Variants in PTPRD observed in about 807,000 individuals in gnomAD.
PTPRD encodes the protein protein tyrosine phosphatase receptor type D.
A neutral mutation model predicts 214.5 loss-of-function variants in PTPRD; 34 were observed. The observed-to-expected ratio is 0.16, with a 90% confidence interval of 0.12 to 0.21. PTPRD has a LOEUF of 0.21. Ranked by LOEUF, PTPRD falls within the 10% of genes least tolerant of loss-of-function variation. The pLI is 1.00. For synonymous variants in PTPRD, 1,128 were observed against 845.7 expected, an observed-to-expected ratio of 1.33 and a Z score of -5.79; for missense variants, 2,545 against 2,398.7, an observed-to-expected ratio of 1.06 and a Z score of -1.27.
At chr9:10,019,662 C>T (rs1327187963) in intron 4 of PTPRD, among the ~76,000 whole-genome samples, 1 of 151,858 alleles carries the variant, frequency 6.6e-6, no homozygotes, top group Non-Finnish European at 1.5e-5. Context: ...TCATTCTCAG[C>T]AAACTATCGC....
chr9:10,198,749 GA>G (rs1410304700), intron 3 of PTPRD, among the ~76,000 whole-genome samples: 2 of 151,998 alleles, frequency 1.3e-5, no homozygotes, highest in Non-Finnish European at 2.9e-5. Context: ...CTCCAAGATA[GA>G]AAAATGAATC....
At chr9:9,049,994 T>A (rs2099681616) in intron 10 of PTPRD, among the ~76,000 whole-genome samples, 1 of 152,190 alleles carries the variant, frequency 6.6e-6, no homozygotes, top group South Asian at 2.1e-4. Context: ...GTCTTTGCAA[T>A]GGGAAGGTAG....
At chr9:9,086,856 A>C (rs536320654) in intron 10 of PTPRD, among the ~76,000 whole-genome samples, 1 of 152,206 alleles carries the variant, frequency 6.6e-6, no homozygotes, top group Non-Finnish European at 1.5e-5. Context: ...AAAGTTGACC[A>C]TAGCAAGCTG....
intron 12 of PTPRD, among the ~76,000 whole-genome samples, chr9:8,674,344 G>C (rs534679924): frequency 1.3e-5 from 2 of 151,304 alleles, no homozygotes; most frequent in African/African-American, 4.9e-5. Flanking sequence ...TGTAGTCCCA[G>C]GCACTCAGGA....
chr9:9,587,251 T>C (rs2092140417), intron 7 of PTPRD, among the ~76,000 whole-genome samples: 1 of 151,956 alleles, frequency 6.6e-6, no homozygotes, highest in South Asian at 2.1e-4. Context: ...ATATAAGAGA[T>C]AATAGTAATG....
intron 2 of PTPRD, among the ~76,000 whole-genome samples, chr9:10,480,629 T>G (rs1416286823): frequency 6.6e-6 from 1 of 151,906 alleles, no homozygotes; most frequent in Non-Finnish European, 1.5e-5. Context: ...AATAAAATAT[T>G]AACATATTTA....
At chr9:8,421,199 C>A (rs752153959) in intron 35 of PTPRD, among the ~76,000 whole-genome samples, 1 of 152,132 alleles carries the variant, frequency 6.6e-6, no homozygotes, top group Non-Finnish European at 1.5e-5. Context: ...ATGCAAAGAG[C>A]AAACTAGACT....
chr9:9,906,786 A>G (rs2077689985), intron 5 of PTPRD, among the ~76,000 whole-genome samples: 1 of 151,938 alleles, frequency 6.6e-6, no homozygotes, highest in African/African-American at 2.4e-5. Flanking sequence ...TTTGTTACAG[A>G]CCACTGTTAG....
chr9:8,518,457 G>T (rs2138605113), intron 20 of PTPRD, 28 bp from the exon 21 acceptor site: 1 of 1,465,882 alleles, frequency 6.8e-7, no homozygotes, highest in Non-Finnish European at 9.3e-7. Context: ...AAAAGACAAT[G>T]ACTACCCATC....
At chr9:8,713,605 G>C in intron 12 of PTPRD, 1 of 1,530,014 alleles carries the variant, frequency 6.5e-7, no homozygotes. Context: ...GGAATACCGG[G>C]ACCTGACCAC....
intron 3 of PTPRD, among the ~76,000 whole-genome samples, chr9:10,056,465 A>G (rs1358945888): frequency 2.0e-5 from 3 of 152,096 alleles, no homozygotes; most frequent in Non-Finnish European, 4.4e-5. Context: ...ACTATTGAAT[A>G]AAGAAGTCAG....
chr9:8,561,080 G>C (rs1269883822), intron 14 of PTPRD, among the ~76,000 whole-genome samples: 1 of 152,086 alleles, frequency 6.6e-6, no homozygotes, highest in African/African-American at 2.4e-5. Context: ...TAAATCCTTG[G>C]ACCAGACTGA....
chr9:9,818,230 T>C (rs1485925367), intron 5 of PTPRD, among the ~76,000 whole-genome samples: 1 of 152,140 alleles, frequency 6.6e-6, no homozygotes, highest in Non-Finnish European at 1.5e-5. Flanking sequence ...TGGTGAAATC[T>C]CCAAAATTGC....
intron 21 of PTPRD, among the ~76,000 whole-genome samples, chr9:8,511,121 T>G (rs2097671272): frequency 6.6e-6 from 1 of 152,104 alleles, no homozygotes; most frequent in Non-Finnish European, 1.5e-5. Context: ...CAGGCTGGAG[T>G]GCAATGGCAC....
intron 9 of PTPRD, among the ~76,000 whole-genome samples, chr9:9,203,415 T>C (rs1294945534): frequency 6.6e-6 from 1 of 152,190 alleles, no homozygotes; most frequent in Non-Finnish European, 1.5e-5. Context: ...CTTTACCACA[T>C]ATCCCATAGG....
intron 11 of PTPRD, chr9:8,858,050 C>T (rs984799002): frequency 6.3e-5 from 10 of 159,228 alleles, no homozygotes; most frequent in African/African-American, 2.0e-4. Context: ...TCGCCCTGCG[C>T]CCGCTTCTCT....
At chr9:8,964,797 T>A (rs1182324515) in intron 11 of PTPRD, among the ~76,000 whole-genome samples, 1 of 152,158 alleles carries the variant, frequency 6.6e-6, no homozygotes, top group African/African-American at 2.4e-5. Flanking sequence ...CTACCTTGAT[T>A]TCATTGTTTA....
At chr9:9,243,465 C>T (rs553196662) in intron 9 of PTPRD, among the ~76,000 whole-genome samples, 80 of 152,168 alleles carry the variant, frequency 5.3e-4, no homozygotes, top group South Asian at 2.1e-3. Context: ...CTTCATCCCT[C>T]GGATGCAAGG....
chr9:9,032,121 G>A (rs1439045004), intron 10 of PTPRD, among the ~76,000 whole-genome samples: 2 of 151,754 alleles, frequency 1.3e-5, no homozygotes, highest in African/African-American at 4.8e-5. Context: ...TTTACCTCCT[G>A]TTTTGCGTGA....
Sources: allele counts gnomAD v4.1 joint callset (sites outside exome capture counted in the v4.1 genomes callset), GRCh38; gene constraint gnomAD v4.1.1; transcripts MANE v1.5; gene names NCBI Gene and HGNC (gene_info 2026-07-23, HGNC 2026-07-21).